Variants in ANOS1 observed in about 807,000 individuals in gnomAD.
The protein encoded by ANOS1 is anosmin-1.
ANOS1 carries 6 observed loss-of-function variants against 59.0 expected under a neutral mutation model. The observed-to-expected ratio is 0.10, with a 90% CI of 0.06 to 0.20. ANOS1 has a LOEUF of 0.20. Among genes scored for constraint, ANOS1 ranks in the 10% least tolerant of loss-of-function variants. ANOS1 has a pLI of 1.00. For synonymous variants in ANOS1, 217 were observed against 223.4 expected (o/e 0.97, Z 0.25); for missense variants, 433 against 542.3 (o/e 0.80, Z 2.00).
chrX:8,579,883 C>T (rs1296712551), intron 6 of ANOS1, among the ~76,000 whole-genome samples: 1 of 111,851 alleles, frequency 8.9e-6, no homozygotes, highest in African/African-American at 3.2e-5. Flanking sequence ...ATAATTCACC[C>T]TTTACTGTAT....
intron 2 of ANOS1, among the ~76,000 whole-genome samples, chrX:8,652,501 AAAG>A (rs1959189205): frequency 8.9e-6 from 1 of 112,255 alleles, no homozygotes; most frequent in African/African-American, 3.2e-5. Context: ...CCCAACAGGA[AAAG>A]AAGAACTTGA....
chrX:8,716,352 A>C (rs1932841905), intron 1 of ANOS1, among the ~76,000 whole-genome samples: 1 of 111,985 alleles, frequency 8.9e-6, no homozygotes, highest in African/African-American at 3.2e-5. Context: ...AGAGAAACTT[A>C]ACAGAATGCT....
At chrX:8,695,626 A>G (rs746827492) in intron 2 of ANOS1, among the ~76,000 whole-genome samples, 20 of 108,259 alleles carry the variant, frequency 1.8e-4, no homozygotes, top group African/African-American at 5.4e-4. Context: ...GAAAGAGAAA[A>G]TATGGCTCAT....
chrX:8,695,741 A>G (rs1376719191), intron 2 of ANOS1, among the ~76,000 whole-genome samples: 5 of 110,742 alleles, frequency 4.5e-5, no homozygotes, highest in South Asian at 7.7e-4. Flanking sequence ...AAGACAATCA[A>G]CCACTAAATT....
At chrX:8,614,020 C>A (rs1225183384) in intron 3 of ANOS1, among the ~76,000 whole-genome samples, 1 of 111,892 alleles carries the variant, frequency 8.9e-6, no homozygotes, top group African/African-American at 3.3e-5. Flanking sequence ...AAAGCAGATT[C>A]CTAGATGATT....
chrX:8,660,132 C>T (rs1388996619), intron 2 of ANOS1, among the ~76,000 whole-genome samples: 1 of 111,193 alleles, frequency 9.0e-6, no homozygotes, highest in Non-Finnish European at 1.9e-5. Context: ...AAGGGGCTAC[C>T]TTCCTGCATA....
chrX:8,716,485 CGA>C (rs1346442619), intron 1 of ANOS1, among the ~76,000 whole-genome samples: 11 of 112,038 alleles, frequency 9.8e-5, no homozygotes, highest in African/African-American at 3.6e-4. Context: ...TCCTCATAAG[CGA>C]GAGAGTTCAC....
intron 2 of ANOS1, among the ~76,000 whole-genome samples, chrX:8,645,251 C>T (rs1009797049): frequency 2.7e-5 from 3 of 112,370 alleles, no homozygotes; most frequent in Non-Finnish European, 5.6e-5. Context: ...GCAACATCGA[C>T]GAAGGGAGTC....
At position 8,597,177 on chromosome X, in the gene ANOS1, T is replaced by A; in HGVS notation, c.398A>T (p.Asp133Val). 1 of 1,211,045 alleles carries A rather than the reference T, an allele frequency of 8.3e-7. No homozygotes were observed. The highest frequency in any genetic ancestry group is 1.1e-6 in the Non-Finnish European group (1 of 895,170). ...ACTGGCTTTCTCAGGAGCCGGACAG[T>A]CCCCCTGCTTCACCAACAGGATGTA... ...LKYILLVKQGDCPAPEKASGF... is the reference protein window; with the variant it reads ...LKYILLVKQGVCPAPEKASGF... The change falls in exon 4 of 14, where the codon GAC becomes GTC. Residue 133 changes from aspartate (D) to valine (V), a missense_variant. Transcript: ENST00000262648.
Position 8,532,805 on chromosome X carries a change from A to T in ANOS1, c.*190T>A. 2.4e-6 allele frequency: 1 copy of T among 419,397 alleles called. No individual in the cohort carries two copies. Among genetic ancestry groups the T allele is most frequent in the Non-Finnish European group, 4.2e-6 (1 of 237,548 alleles). 34.6% of individuals were successfully genotyped at this position (419,397 alleles called of 1,213,427 possible). Reference sequence around the variant, plus strand: ...TTGTAGGGAACTGGTGTCTGTCTTCACCAATCTACTGTTTCTCACTTGTCT... The same window carrying T: ...TTGTAGGGAACTGGTGTCTGTCTTCTCCAATCTACTGTTTCTCACTTGTCT... On this transcript the variant is annotated 3_prime_UTR_variant, in exon 14 of 14. Transcript: ENST00000262648.
At chrX:8,612,922 A>G (rs1479047364) in intron 3 of ANOS1, among the ~76,000 whole-genome samples, 2 of 111,894 alleles carry the variant, frequency 1.8e-5, no homozygotes, top group Non-Finnish European at 3.8e-5. Context: ...TCTACTTCTT[A>G]GAGAAGATAA....
chrX:8,571,821 G>A (rs1022577337), intron 6 of ANOS1, among the ~76,000 whole-genome samples: 2 of 112,145 alleles, frequency 1.8e-5, no homozygotes, highest in African/African-American at 6.5e-5. Flanking sequence ...ATCACGGGAA[G>A]ATGCTGTCAA....
rs139485810 is a variant in ANOS1, at chrX:8,657,323, C to T, written c.256-33653G>A. ...ATTCAGATCATATCCCTGTAATAGA[C>T]GTGAGCCTTAGCATAATAGCCTGCA... is the stretch of plus-strand genomic sequence containing the variant. On this transcript the variant is annotated intron_variant, in intron 2 of 13. Coordinates refer to ENST00000262648, the MANE Select transcript of ANOS1 (RefSeq NM_000216.4). Among the ~76,000 whole-genome samples, 406 of 112,083 alleles carry T rather than the reference C, an allele frequency of 3.6e-3. 2 individuals carry two copies. Among genetic ancestry groups the T allele is most frequent in the African/African-American group, 0.012 (370 of 30,862 alleles).
intron 8 of ANOS1, among the ~76,000 whole-genome samples, chrX:8,564,201 A>G (rs1930074756): frequency 1.8e-5 from 2 of 112,265 alleles, no homozygotes; most frequent in South Asian, 7.4e-4. Context: ...AGATGTAACA[A>G]TGGGGAAAGT....
chrX:8,731,260 G>A (rs1459902217), intron 1 of ANOS1, among the ~76,000 whole-genome samples: 1 of 112,327 alleles, frequency 8.9e-6, no homozygotes, highest in African/African-American at 3.2e-5. Context: ...CACGCACCCT[G>A]GAACACGACT....
intron 4 of ANOS1, among the ~76,000 whole-genome samples, chrX:8,594,648 ATATATATGTGTATATATATAT>A (rs1930680737): frequency 1.9e-5 from 1 of 52,919 alleles, no homozygotes; most frequent in Non-Finnish European, 3.2e-5. Flanking sequence ...ATCTACATAT[ATATATATGTGTATATATATAT>A]ATATATATAT....
At chrX:8,665,937 A>C (rs1932125894) in intron 2 of ANOS1, among the ~76,000 whole-genome samples, 1 of 112,019 alleles carries the variant, frequency 8.9e-6, no homozygotes, top group Admixed American at 9.5e-5. Context: ...CTTGGTGGCC[A>C]ACACCTATGA....
At chrX:8,536,540 T>C (rs764279911) in intron 11 of ANOS1, among the ~76,000 whole-genome samples, 3 of 111,577 alleles carry the variant, frequency 2.7e-5, no homozygotes, top group Non-Finnish European at 3.8e-5. Context: ...TTTGCCTTCA[T>C]TTCCAAAGGG....
At chrX:8,653,827 A>G (rs968764152) in intron 2 of ANOS1, among the ~76,000 whole-genome samples, 3 of 112,117 alleles carry the variant, frequency 2.7e-5, no homozygotes, top group African/African-American at 9.7e-5. Flanking sequence ...AGCTTTCAGC[A>G]CACAGTAGGT....
Sources: allele counts gnomAD v4.1 joint callset (sites outside exome capture counted in the v4.1 genomes callset), GRCh38; gene constraint gnomAD v4.1.1; transcripts MANE v1.5; gene names NCBI Gene and HGNC (gene_info 2026-07-23, HGNC 2026-07-21).